EMC3: variants seen among roughly 807,000 people sequenced by gnomAD.
EMC3 encodes the protein ER membrane protein complex subunit 3.
In EMC3, 13 loss-of-function variants were observed where a neutral mutation model predicts 36.6. The observed-to-expected ratio is 0.35, with a 90% CI of 0.23 to 0.56. The LOEUF (loss-of-function observed/expected upper bound fraction) is 0.56, where lower values mean the gene tolerates loss of function less well. Ranked by LOEUF, EMC3 falls within the 20% of genes least tolerant of loss-of-function variation. The pLI, the probability that EMC3 is intolerant of heterozygous loss-of-function variation, is 0.84. For synonymous variants in EMC3, 120 were observed against 111.9 expected, an observed-to-expected ratio of 1.07 and a Z score of -0.46; for missense variants, 220 against 324.5, an observed-to-expected ratio of 0.68 and a Z score of 2.47.
At position 9,963,478 on chromosome 3, in the gene EMC3, T is replaced by TATATATATATA. The variant is rs1553602260; in HGVS notation, c.*590_*591insTATATATATAT. 3 of 34,534 alleles carry TATATATATATA rather than the reference T, an allele frequency of 8.7e-5. No individual in the cohort carries two copies. Among genetic ancestry groups the TATATATATATA allele is most frequent in the Non-Finnish European group, 1.6e-4 (2 of 12,850 alleles). The allele number at this position is 34,534 out of a possible 1,614,324, so 2.1% of individuals were successfully genotyped here. ...AGATATATATATATATATATATATATTTTTTTTTTTTTTTCAGATGGAGTT... is the reference window on the plus strand; with the variant it reads ...AGATATATATATATATATATATATATATATATATATATTTTTTTTTTTTTTCAGATGGAGTT... On this transcript the variant is annotated 3_prime_UTR_variant, in exon 8 of 8. Coordinates refer to ENST00000245046, the MANE Select transcript of EMC3 (RefSeq NM_001394674.1).
intron 1 of EMC3, among the ~76,000 whole-genome samples, chr3:9,995,942 C>A (rs1358579651): frequency 6.6e-6 from 1 of 151,260 alleles, no homozygotes; most frequent in Non-Finnish European, 1.5e-5. Flanking sequence ...TTTTTTTATT[C>A]TTACCACAAA....
At chr3:9,988,316 G>C, upstream of EMC3, 1 of 771,340 alleles carries the variant, frequency 1.3e-6, no homozygotes, top group Admixed American at 1.9e-5. Context: ...TTCACATCTT[G>C]TAAGTTCTTT....
chr3:10,009,686 A>C (rs1209192922), intron 1 of EMC3, among the ~76,000 whole-genome samples: 5 of 152,228 alleles, frequency 3.3e-5, no homozygotes, highest in Non-Finnish European at 4.4e-5. Flanking sequence ...AGTCCAATTC[A>C]CAGTCCAGCA....
intron 1 of EMC3, among the ~76,000 whole-genome samples, chr3:10,005,888 G>A (rs990735147): frequency 1.3e-5 from 2 of 152,150 alleles, no homozygotes; most frequent in African/African-American, 4.8e-5. Flanking sequence ...TCCTCCCGGG[G>A]TTCCCACCTC....
intron 1 of EMC3, among the ~76,000 whole-genome samples, chr3:10,000,260 G>A (rs543347045): frequency 2.0e-5 from 3 of 152,002 alleles, no homozygotes; most frequent in East Asian, 1.9e-4. Context: ...GGCTGGTCTC[G>A]AACTCCTGAA....
At chr3:9,984,129 T>TGG (rs1304808718) in intron 1 of EMC3, among the ~76,000 whole-genome samples, 9 of 152,028 alleles carry the variant, frequency 5.9e-5, no homozygotes, top group Admixed American at 5.2e-4. Context: ...GTCGCCAGGC[T>TGG]GGAGTGCAGT....
intron 1 of EMC3, chr3:10,007,198 T>G: frequency 2.5e-6 from 2 of 807,300 alleles, no homozygotes; most frequent in Non-Finnish European, 3.4e-6. Context: ...CAGCAAATCA[T>G]TAGTAGTGGC....
At chr3:9,967,752 G>A (rs1199705011) in intron 7 of EMC3, among the ~76,000 whole-genome samples, 2 of 152,212 alleles carry the variant, frequency 1.3e-5, no homozygotes, top group African/African-American at 4.8e-5. Context: ...TGGCAAGTAA[G>A]ATTTTTATAG....
Position 9,963,628 on chromosome 3 carries a change from C to G in EMC3, c.*441G>C, listed in dbSNP as rs986383281. On this transcript the variant is annotated 3_prime_UTR_variant, in exon 8 of 8. Coordinates refer to ENST00000245046, the MANE Select transcript of EMC3 (RefSeq NM_001394674.1). ...AGCTGGGATTACAGGTGCCCACCACCACGCCCGGCTAATTTTTTTTTGTAT... is the reference window on the plus strand; with the variant it reads ...AGCTGGGATTACAGGTGCCCACCACGACGCCCGGCTAATTTTTTTTTGTAT... The G allele has an allele frequency of 1.3e-5, 2 of 154,030 alleles. No individual in the cohort carries two copies. Among genetic ancestry groups the G allele is most frequent in the African/African-American group, 4.9e-5 (2 of 41,234 alleles). 9.5% of individuals were successfully genotyped at this position (154,030 alleles called of 1,614,324 possible). A position where few individuals can be genotyped will look rare whatever the true frequency, so the allele number is the denominator to read the frequency against.
intron 1 of EMC3, chr3:10,007,410 G>C (rs766436036): frequency 7.3e-7 from 1 of 1,364,410 alleles, no homozygotes; most frequent in African/African-American, 1.5e-5. Flanking sequence ...GGTCAGTGGC[G>C]GGGTGTGGTC....
At chr3:10,006,456 A>G (rs1279242963) in intron 1 of EMC3, 2 of 152,398 alleles carry the variant, frequency 1.3e-5, no homozygotes, top group Non-Finnish European at 2.9e-5. Context: ...TATTGCTTCA[A>G]TTGGCAAATC....
intron 7 of EMC3, chr3:9,969,350 T>C: frequency 1.8e-6 from 2 of 1,111,752 alleles, no homozygotes; most frequent in Non-Finnish European, 2.2e-6. Flanking sequence ...TTCTAGAACC[T>C]TTTTGTGAAA....
chr3:9,963,916 A>G lies in EMC3; in HGVS notation c.*153T>C. The G allele has an allele frequency of 7.7e-7, 1 of 1,303,624 alleles. No individual in the cohort carries two copies. Among genetic ancestry groups the G allele is most frequent in the Non-Finnish European group, 1.1e-6 (1 of 948,748 alleles). The allele number at this position is 1,303,624 out of a possible 1,614,324, so 80.8% of individuals were successfully genotyped here. On this transcript the variant is annotated 3_prime_UTR_variant, in exon 8 of 8. Transcript: ENST00000245046. ...TCCTATTTCCTCTAGTTTCAAACAT[A>G]AAGGGGAACCCAGCCCAGACAAGAA... is the stretch of plus-strand genomic sequence containing the variant.
intron 1 of EMC3, among the ~76,000 whole-genome samples, chr3:9,981,153 G>C (rs1244810082): frequency 6.6e-6 from 1 of 152,214 alleles, no homozygotes; most frequent in Non-Finnish European, 1.5e-5. Context: ...AGTGAGCCAT[G>C]ATCGCACCAC....
intron 1 of EMC3, among the ~76,000 whole-genome samples, chr3:9,998,511 C>A (rs556928939): frequency 6.6e-6 from 1 of 151,488 alleles, no homozygotes; most frequent in African/African-American, 2.4e-5. Flanking sequence ...TTCACTGCAG[C>A]CTGAAACTCC....
In EMC3 at chr3:9,995,029, A is replaced by C. The variant is rs540934981; in HGVS notation, c.-241-8127T>G. 2.1e-5 allele frequency among the ~76,000 whole-genome samples: 3 copies of C among 143,452 alleles called. No individual in the cohort carries two copies. In the East Asian group the frequency reaches 6.0e-4, roughly 29 times the overall value. 94.1% of individuals were successfully genotyped at this position (143,452 alleles called of 152,430 possible). ...CATCTGAATGGAACTTTTAAAATGA[A>C]GATTTGTAAAAAAAATTGTAAACAT... On this transcript the variant is annotated intron_variant, in intron 1 of 8. Coordinates refer to the EMC3 transcript ENST00000470827.
intron 1 of EMC3, among the ~76,000 whole-genome samples, chr3:9,982,149 C>T (rs1283800889): frequency 6.6e-6 from 1 of 151,996 alleles, no homozygotes; most frequent in Non-Finnish European, 1.5e-5. Context: ...GGGGTTTCGC[C>T]ATGCTGGCCA....
intron 7 of EMC3, among the ~76,000 whole-genome samples, chr3:9,966,694 C>A (rs1038917464): frequency 6.6e-6 from 1 of 152,074 alleles, no homozygotes; most frequent in African/African-American, 2.4e-5. Flanking sequence ...CATGCCTCAG[C>A]CTCCTGAGTA....
At chr3:9,975,795 G>A (rs1479272938) in intron 3 of EMC3, among the ~76,000 whole-genome samples, 2 of 134,460 alleles carry the variant, frequency 1.5e-5, no homozygotes, top group Non-Finnish European at 1.5e-5. Context: ...CTGGGTGAGA[G>A]AGCGAGACTC....
Sources: allele counts gnomAD v4.1 joint callset (sites outside exome capture counted in the v4.1 genomes callset), GRCh38; gene constraint gnomAD v4.1.1; transcripts MANE v1.5; gene names NCBI Gene and HGNC (gene_info 2026-07-23, HGNC 2026-07-21).